KIF1A: variants seen among roughly 807,000 people sequenced by gnomAD.
KIF1A encodes the protein kinesin-like protein KIF1A.
A neutral mutation model predicts 227.3 loss-of-function variants in KIF1A; 46 were observed. The ratio of observed to expected loss-of-function variants is 0.20; its 90% CI spans 0.16 to 0.26. The LOEUF is 0.26. Ranked by LOEUF, KIF1A falls within the 10% of genes least tolerant of loss-of-function variation. KIF1A has a pLI of 1.00. For synonymous variants in KIF1A, 1,022 were observed against 1,012.8 expected, an observed-to-expected ratio of 1.01 and a Z score of -0.17; for missense variants, 1,683 against 2,485.9, an observed-to-expected ratio of 0.68 and a Z score of 6.87.
At position 240,757,485 on chromosome 2, in the gene KIF1A, T is replaced by C; in HGVS notation, c.2692A>G (p.Thr898Ala). Reference protein sequence around the residue: ...PTFSSPDSDATEPAEEQSVGE... With the variant: ...PTFSSPDSDAAEPAEEQSVGE... ...ACGCTCTGCTCCTCGGCAGGCTCGG[T>C]GGCGTCGGAGTCGGGGCTCGAGAAG... is the stretch of plus-strand genomic sequence containing the variant. The change falls in exon 27 of 49, where the codon ACC becomes GCC. Residue 898 changes from threonine to alanine, a missense_variant. Transcript: ENST00000498729. The surrounding 1 kb of genome is among the most constrained non-coding windows in gnomAD (Gnocchi z 6.2). 6.5e-7 allele frequency: 1 copy of C among 1,550,338 alleles called. No homozygotes were observed. Among genetic ancestry groups the C allele is most frequent in the Non-Finnish European group, 8.7e-7 (1 of 1,146,940 alleles).
chr2:240,768,817 T>A (rs1296718828), intron 17 of KIF1A, among the ~76,000 whole-genome samples: 1 of 152,198 alleles, frequency 6.6e-6, no homozygotes, highest in African/African-American at 2.4e-5. Flanking sequence ...AGGCCCCTCG[T>A]GTCTCAGTCT....
At chr2:240,749,997 G>A (rs2125821899) in intron 28 of KIF1A, among the ~76,000 whole-genome samples, 1 of 152,386 alleles carries the variant, frequency 6.6e-6, no homozygotes, top group East Asian at 1.9e-4. Context: ...TGGGTGGAAT[G>A]TGTTGACAGA....
chr2:240,799,067 T>G lies in KIF1A; in HGVS notation c.-60-1255A>C, dbSNP rs114954610. The stretch of plus-strand genomic sequence containing the variant: ...CTGGCAAAAAGCCCCCATCCTACAG[T>G]GCCCCAGCCTCATAGCTGTGAAGAA... On this transcript the variant is annotated intron_variant, in intron 1 of 48. Coordinates refer to ENST00000498729, the MANE Select transcript of KIF1A (RefSeq NM_001244008.2). Among the ~76,000 whole-genome samples, 1,116 of 152,272 alleles carry G rather than the reference T, an allele frequency of 7.3e-3. 9 individuals are homozygous for G. The highest frequency in any genetic ancestry group is 0.025 in the African/African-American group (1,049 of 41,536).
At chr2:240,774,090 C>G in intron 12 of KIF1A, 93 bp downstream of exon 12, 1 of 774,468 alleles carries the variant, frequency 1.3e-6, no homozygotes, top group South Asian at 1.8e-5. Context: ...AGAGTCGCCC[C>G]TGGTCACTGG....
Position 240,726,403 on chromosome 2 carries a change from G to A in KIF1A, c.4122+423C>T, listed in dbSNP as rs1010400856. Among the ~76,000 whole-genome samples the A allele has an allele frequency of 6.6e-6, 1 of 152,172 alleles. No homozygotes were observed. The highest frequency in any genetic ancestry group is 1.5e-5 in the Non-Finnish European group (1 of 68,032). ...AGGTGGGTGGATCACCTGAGGCCAG[G>A]AGTTTGAGAACAGCCTGGCCAACAT... is the stretch of plus-strand genomic sequence containing the variant. On this transcript the variant is annotated intron_variant, in intron 39 of 48. Transcript: ENST00000498729. The surrounding 1 kb of genome is among the most constrained non-coding windows in gnomAD (Gnocchi z 5.2).
chr2:240,782,939 G>A, intron 9 of KIF1A, 105 bp downstream of exon 9: 1 of 961,376 alleles, frequency 1.0e-6, no homozygotes, highest in Non-Finnish European at 1.7e-6. Context: ...CTTGAACCTG[G>A]CCACCTCCCA....
At chr2:240,749,797 A>C (rs1340420199) in intron 28 of KIF1A, among the ~76,000 whole-genome samples, 2 of 152,212 alleles carry the variant, frequency 1.3e-5, no homozygotes, top group African/African-American at 2.4e-5. Context: ...GAGCAGCACC[A>C]GTCTCCACCT....
intron 13 of KIF1A, among the ~76,000 whole-genome samples, 192 bp from the exon 14 acceptor site, chr2:240,772,788 C>A (rs568274249): frequency 6.6e-6 from 1 of 152,308 alleles, no homozygotes; most frequent in African/African-American, 2.4e-5. Context: ...CACAGCCTGC[C>A]TATGGGGCTT....
chr2:240,800,104 A>G (rs1256911169), intron 1 of KIF1A, among the ~76,000 whole-genome samples: 1 of 136,450 alleles, frequency 7.3e-6, no homozygotes, highest in African/African-American at 2.7e-5. Flanking sequence ...TGTCCAAAGC[A>G]GACACACACA....
chr2:240,796,300 A>T (rs1021532483), intron 2 of KIF1A, among the ~76,000 whole-genome samples: 1 of 152,204 alleles, frequency 6.6e-6, no homozygotes, highest in Admixed American at 6.5e-5. Context: ...TTCTCCGACC[A>T]CAAAAGGCCA....
chr2:240,816,593 C>T (rs1383928047), intron 1 of KIF1A, among the ~76,000 whole-genome samples: 1 of 152,120 alleles, frequency 6.6e-6, no homozygotes, highest in African/African-American at 2.4e-5. Flanking sequence ...CATCTGAATC[C>T]CCAGGCTCTG....
At position 240,790,612 on chromosome 2, in the gene KIF1A, G is replaced by A. The variant is rs61313444; in HGVS notation, c.107-1300C>T. Among the ~76,000 whole-genome samples the A allele has an allele frequency of 0.034, 5,137 of 152,064 alleles. 344 individuals are homozygous for A. Among genetic ancestry groups the A allele is most frequent in the East Asian group, 0.25 (1,293 of 5,118 alleles). ...AGTATCTCAGAATGGGACCTCATTT[G>A]GAGATAAAGTTGCTGCAGATGTAAT... On this transcript the variant is annotated intron_variant, in intron 2 of 48. Coordinates refer to ENST00000498729, the MANE Select transcript of KIF1A (RefSeq NM_001244008.2). The surrounding 1 kb of genome is among the most constrained non-coding windows in gnomAD (Gnocchi z 5.0).
Position 240,784,993 on chromosome 2 carries a change from T to C in KIF1A, c.716A>G (p.Glu239Gly). ...RHDAETNITT[E>G]KVSKISLVDL... The stretch of plus-strand genomic sequence containing the variant: ...CCTGTGAGGCCACTCACTCACCTTC[T>C]CCGTGGTGATATTGGTCTCTGCGTC... Residue 239 changes from glutamate (E) to glycine (G), a missense_variant, in exon 7 of 49, where the codon GAG (glutamate) becomes GGG (glycine). By Grantham distance (98) the Glu-to-Gly change is moderately conservative (BLOSUM62 -2). This residue lies in a region of KIF1A where 21 missense variants were observed against 35.2 expected (regional missense o/e 0.60). Coordinates refer to ENST00000498729, the MANE Select transcript of KIF1A (RefSeq NM_001244008.2). The C allele has an allele frequency of 6.2e-7, 1 of 1,612,360 alleles. No individual in the cohort carries two copies. The highest frequency in any genetic ancestry group is 8.5e-7 in the Non-Finnish European group (1 of 1,178,776).
At chr2:240,784,021 G>T (rs759941828) in intron 7 of KIF1A, among the ~76,000 whole-genome samples, 6 of 152,080 alleles carry the variant, frequency 3.9e-5, no homozygotes, top group African/African-American at 1.4e-4. Context: ...GGCCCTGCCC[G>T]AGTTGAGTGC....
intron 6 of KIF1A, among the ~76,000 whole-genome samples, 185 bp downstream of exon 6, chr2:240,786,150 G>A (rs930364390): frequency 3.9e-5 from 6 of 152,224 alleles, no homozygotes; most frequent in African/African-American, 1.4e-4. Flanking sequence ...CCCCTGCACA[G>A]GGGGAGCCCT....
intron 10 of KIF1A, among the ~76,000 whole-genome samples, chr2:240,777,742 A>G (rs2052955548): frequency 6.6e-6 from 1 of 152,144 alleles, no homozygotes; most frequent in Non-Finnish European, 1.5e-5. Context: ...GCAGCTCCTG[A>G]CAAGCCGGGA....
chr2:240,740,049 C>T lies in KIF1A; in HGVS notation c.3901+9G>A, dbSNP rs141647310. 22 of 1,573,586 alleles carry T rather than the reference C, an allele frequency of 1.4e-5. No individual in the cohort carries two copies. In the East Asian group the frequency reaches 2.4e-4, roughly 17 times the overall value. ...CCACCCACCAAGGCAGCCCCCACAC[C>T]GCACTCACCCACGACCAGCTCGCGC... is the stretch of plus-strand genomic sequence containing the variant. On this transcript the variant is annotated intron_variant, in intron 37 of 48. Transcript: ENST00000498729. This position sits in a 1 kb window ranked among gnomAD's most constrained non-coding sequence, Gnocchi z 6.1.
chr2:240,725,529 CA>C lies in KIF1A; in HGVS notation c.4123-126del. On this transcript the variant is annotated intron_variant, in intron 39 of 48. Coordinates refer to ENST00000498729, the MANE Select transcript of KIF1A (RefSeq NM_001244008.2). This position sits in a 1 kb window ranked among gnomAD's most constrained non-coding sequence, Gnocchi z 5.8. ...CAGCCCCAGGGCCTTCCCAGGGCCT[CA>C]GGTGTGGCCTGGACGCAGGCAGGAG... 9.6e-7 allele frequency: 1 copy of C among 1,041,080 alleles called. No individual in the cohort carries two copies. 64.5% of individuals were successfully genotyped at this position (1,041,080 alleles called of 1,614,324 possible). A position where few individuals can be genotyped will look rare whatever the true frequency, so the allele number is the denominator to read the frequency against.
chr2:240,800,922 C>T (rs2056908665), intron 1 of KIF1A, among the ~76,000 whole-genome samples: 2 of 152,202 alleles, frequency 1.3e-5, no homozygotes. Flanking sequence ...TACAACCTGC[C>T]CTCGCTTGGT....
Sources: gnomAD v4.1 joint callset for allele counts (sites outside exome capture counted in the v4.1 genomes callset) on GRCh38, gnomAD v4.1.1 for gene constraint, gnomAD v4.1.1 regional missense constraint, Gnocchi (gnomAD v3.1) non-coding constraint, MANE v1.5 for transcripts, NCBI Gene and HGNC (gene_info 2026-07-23, HGNC 2026-07-21) for gene names.